EFCAB11: variants seen among roughly 807,000 people sequenced by gnomAD.
EFCAB11 encodes the protein EF-hand calcium binding domain 11.
In EFCAB11, 14 loss-of-function variants were observed where a neutral mutation model predicts 23.0. The ratio of observed to expected loss-of-function variants is 0.61; its 90% CI spans 0.40 to 0.95. The LOEUF (loss-of-function observed/expected upper bound fraction) is 0.95. EFCAB11 is among the 40% of genes least tolerant of loss of function. The probability of loss-of-function intolerance (pLI) is 0.00; values close to 1 mark genes in which losing one functional copy is unlikely to be tolerated. For missense variants in EFCAB11, 198 were observed against 195.8 expected, an observed-to-expected ratio of 1.01 and a Z score of -0.07; for synonymous variants, 65 against 66.6, an observed-to-expected ratio of 0.98 and a Z score of 0.11.
At chr14:89,837,031 C>T (rs1371777173) in intron 5 of EFCAB11, 1 of 456,194 alleles carries the variant, frequency 2.2e-6, no homozygotes, top group East Asian at 7.0e-5. Flanking sequence ...TGAGAATCTG[C>T]ACAGGTGAGG....
At chr14:89,935,957 G>A (rs570310731) in intron 3 of EFCAB11, among the ~76,000 whole-genome samples, 5 of 152,010 alleles carry the variant, frequency 3.3e-5, no homozygotes, top group East Asian at 3.9e-4. Flanking sequence ...GCGGTGAGCC[G>A]AGATCGTGCC....
At chr14:89,934,013 C>T (rs1360132233) in intron 3 of EFCAB11, among the ~76,000 whole-genome samples, 1 of 152,096 alleles carries the variant, frequency 6.6e-6, no homozygotes, top group Non-Finnish European at 1.5e-5. Flanking sequence ...TGAAAAAAGG[C>T]TGCTGTGGCT....
chr14:89,892,585 G>C (rs907534201), intron 5 of EFCAB11: 2 of 725,038 alleles, frequency 2.8e-6, no homozygotes, highest in South Asian at 2.8e-5. Context: ...CTGGATTTTA[G>C]AGTCAAGGGT....
intron 5 of EFCAB11, among the ~76,000 whole-genome samples, chr14:89,814,932 C>A (rs1289339536): frequency 2.6e-5 from 4 of 152,146 alleles, no homozygotes; most frequent in Admixed American, 1.3e-4. Context: ...ATTTGTAATA[C>A]ACTGCCAACT....
At chr14:89,845,690 G>A (rs1403681266) in intron 5 of EFCAB11, among the ~76,000 whole-genome samples, 1 of 152,158 alleles carries the variant, frequency 6.6e-6, no homozygotes, top group Non-Finnish European at 1.5e-5. Context: ...GGCAGTGAAG[G>A]GCACTGTCTT....
intron 5 of EFCAB11, among the ~76,000 whole-genome samples, chr14:89,909,496 CT>C (rs1889596554): frequency 7.6e-6 from 1 of 131,542 alleles, no homozygotes; most frequent in African/African-American, 3.9e-5. Context: ...GGGAGAATAG[CT>C]TGAAGCCGGG....
chr14:89,951,657 C>T (rs1891171051), intron 2 of EFCAB11, among the ~76,000 whole-genome samples: 1 of 151,740 alleles, frequency 6.6e-6, no homozygotes, highest in African/African-American at 2.4e-5. Context: ...CCTGTAATCC[C>T]AGCACTTTGG....
At chr14:89,938,281 T>C (rs775036590) in intron 3 of EFCAB11, 8 of 152,206 alleles carry the variant, frequency 5.3e-5, no homozygotes, top group Non-Finnish European at 1.2e-4. Flanking sequence ...ATATTGATTT[T>C]TCCAGGAGTT....
intron 5 of EFCAB11, among the ~76,000 whole-genome samples, chr14:89,811,620 C>T (rs1340827222): frequency 6.6e-6 from 1 of 152,098 alleles, no homozygotes; most frequent in Non-Finnish European, 1.5e-5. Flanking sequence ...TGTGAAGACG[C>T]TAAACTGCCA....
At chr14:89,852,581 T>C (rs1261353575) in intron 5 of EFCAB11, among the ~76,000 whole-genome samples, 2 of 152,202 alleles carry the variant, frequency 1.3e-5, no homozygotes, top group Non-Finnish European at 2.9e-5. Flanking sequence ...CTTAAATGTT[T>C]CATTTTAAAC....
intron 3 of EFCAB11, among the ~76,000 whole-genome samples, chr14:89,938,482 A>G (rs1890670258): frequency 6.6e-6 from 1 of 152,204 alleles, no homozygotes. Flanking sequence ...GACTTCAAAA[A>G]TAGTGAGTTG....
At chr14:89,952,183 G>A (rs961914939) in intron 2 of EFCAB11, among the ~76,000 whole-genome samples, 3 of 152,118 alleles carry the variant, frequency 2.0e-5, no homozygotes, top group African/African-American at 4.8e-5. Context: ...AGTAAATACC[G>A]TTTAGTGACC....
intron 3 of EFCAB11, among the ~76,000 whole-genome samples, chr14:89,941,428 T>G (rs993730224): frequency 3.3e-5 from 5 of 152,066 alleles, no homozygotes. Flanking sequence ...CTATTAAAAA[T>G]CAAAGGAAGG....
chr14:89,866,544 G>A (rs1358772776), intron 5 of EFCAB11, among the ~76,000 whole-genome samples: 1 of 152,216 alleles, frequency 6.6e-6, no homozygotes, highest in Non-Finnish European at 1.5e-5. Context: ...GGCACCAAGA[G>A]TGTTTCCTCC....
intron 5 of EFCAB11, among the ~76,000 whole-genome samples, chr14:89,910,178 T>C (rs1049741670): frequency 6.6e-6 from 1 of 152,186 alleles, no homozygotes; most frequent in African/African-American, 2.4e-5. Context: ...AGCCTGAGAA[T>C]AAAAGAGCAC....
At chr14:89,818,096 T>C (rs528220047) in intron 5 of EFCAB11, among the ~76,000 whole-genome samples, 2 of 152,272 alleles carry the variant, frequency 1.3e-5, no homozygotes, top group South Asian at 2.1e-4. Flanking sequence ...GTGATAAATA[T>C]TATATGTAAA....
intron 3 of EFCAB11, among the ~76,000 whole-genome samples, chr14:89,942,515 T>C (rs1332211959): frequency 1.3e-5 from 2 of 152,200 alleles, no homozygotes; most frequent in African/African-American, 2.4e-5. Flanking sequence ...CTTCATTCTA[T>C]ACACTTGGAA....
intron 5 of EFCAB11, among the ~76,000 whole-genome samples, chr14:89,838,608 T>C (rs1435844558): frequency 1.3e-5 from 2 of 152,152 alleles, no homozygotes; most frequent in Non-Finnish European, 2.9e-5. Context: ...TTCACATATG[T>C]AGAAAAATAT....
At chr14:89,940,910 T>C (rs991751548) in intron 3 of EFCAB11, among the ~76,000 whole-genome samples, 1 of 152,238 alleles carries the variant, frequency 6.6e-6, no homozygotes, top group Non-Finnish European at 1.5e-5. Context: ...TTGTTATTTA[T>C]ATAGAATGAT....
Sources: gnomAD v4.1 joint callset for allele counts (sites outside exome capture counted in the v4.1 genomes callset) on GRCh38, gnomAD v4.1.1 for gene constraint, MANE v1.5 for transcripts, NCBI Gene and HGNC (gene_info 2026-07-23, HGNC 2026-07-21) for gene names.